Variants in CCDC91 observed in about 807,000 individuals in gnomAD.
CCDC91 encodes the protein coiled-coil domain containing 91, also known as coiled-coil domain-containing protein 91.
A neutral mutation model predicts 63.2 loss-of-function variants in CCDC91; 48 were observed. The ratio of observed to expected loss-of-function variants is 0.76; its 90% confidence interval spans 0.60 to 0.97. The LOEUF (loss-of-function observed/expected upper bound fraction) is 0.97, where lower values mean the gene tolerates loss of function less well. Ranked by LOEUF, CCDC91 falls within the 50% of genes least tolerant of loss-of-function variation. The pLI, the probability that CCDC91 is intolerant of heterozygous loss-of-function variation, is 0.00. For synonymous variants in CCDC91, 167 were observed against 165.8 expected, an observed-to-expected ratio of 1.01 and a Z score of -0.06; for missense variants, 500 against 494.6, an observed-to-expected ratio of 1.01 and a Z score of -0.10.
At chr12:28,216,394 A>G (rs1943561400) in intron 1 of CCDC91, among the ~76,000 whole-genome samples, 1 of 152,052 alleles carries the variant, frequency 6.6e-6, no homozygotes, top group African/African-American at 2.4e-5. Context: ...TTACTTTAAC[A>G]TGGTTTCAGT....
chr12:28,326,805 T>A (rs928847548), intron 6 of CCDC91, among the ~76,000 whole-genome samples: 1 of 152,034 alleles, frequency 6.6e-6, no homozygotes, highest in Non-Finnish European at 1.5e-5. Flanking sequence ...AAAGTGTTAC[T>A]AACAAAGCAG....
chr12:28,205,585 C>T (rs1022004565), intron 1 of CCDC91, among the ~76,000 whole-genome samples: 7 of 152,088 alleles, frequency 4.6e-5, no homozygotes, highest in South Asian at 2.1e-4. Flanking sequence ...TGCAGCCACA[C>T]GGTGGAAGAA....
chr12:28,476,742 AAG>A (rs1479990946), intron 11 of CCDC91, among the ~76,000 whole-genome samples: 1 of 152,258 alleles, frequency 6.6e-6, no homozygotes, highest in Non-Finnish European at 1.5e-5. Flanking sequence ...TAAAGAAGAA[AAG>A]AGAGAATAAT....
At chr12:28,537,355 G>A (rs1359303117) in intron 12 of CCDC91, among the ~76,000 whole-genome samples, 1 of 151,942 alleles carries the variant, frequency 6.6e-6, no homozygotes, top group Non-Finnish European at 1.5e-5. Context: ...GCTATTATAG[G>A]AAATTCTATT....
intron 12 of CCDC91, among the ~76,000 whole-genome samples, chr12:28,531,828 A>G (rs1941759344): frequency 6.6e-6 from 1 of 152,170 alleles, no homozygotes; most frequent in Non-Finnish European, 1.5e-5. Flanking sequence ...ATACATCAGA[A>G]TCTCTGCGTT....
At position 28,234,266 on chromosome 12, in the gene CCDC91, T is replaced by G. The variant is rs1337784789; in HGVS notation, c.-14-22936T>G. On this transcript the variant is annotated intron_variant, in intron 1 of 12. Transcript: ENST00000536442. Reference sequence around the variant, plus strand: ...TTTTCTATGAACACAGGTCTCCTTATTGGAATTTATTGTAAATTTTTCTTA... The same window carrying G: ...TTTTCTATGAACACAGGTCTCCTTAGTGGAATTTATTGTAAATTTTTCTTA... Among the ~76,000 whole-genome samples the G allele has an allele frequency of 3.9e-5, 6 of 152,274 alleles. No homozygotes were observed. The East Asian group carries it at 1.2e-3, about 29-fold the overall frequency.
chr12:28,364,320 G>A (rs1237353827), intron 7 of CCDC91, among the ~76,000 whole-genome samples: 8 of 152,182 alleles, frequency 5.3e-5, no homozygotes, highest in South Asian at 4.1e-4. Flanking sequence ...TCTGGGAGGC[G>A]GAGGTTGCAG....
At chr12:28,409,578 TACGTA>T (rs1947188362) in intron 8 of CCDC91, among the ~76,000 whole-genome samples, 1 of 152,086 alleles carries the variant, frequency 6.6e-6, no homozygotes, top group South Asian at 2.1e-4. Context: ...TTATTTAATT[TACGTA>T]ACTTAATTGG....
chr12:28,217,399 G>C (rs375625545), intron 1 of CCDC91, among the ~76,000 whole-genome samples: 1 of 152,054 alleles, frequency 6.6e-6, no homozygotes, highest in Non-Finnish European at 1.5e-5. Flanking sequence ...GAAATTTTCC[G>C]AAACAGCAAT....
chr12:28,489,784 A>G (rs995926925), intron 12 of CCDC91, among the ~76,000 whole-genome samples: 12 of 151,842 alleles, frequency 7.9e-5, no homozygotes, highest in Non-Finnish European at 1.6e-4. Context: ...TTTTGCTGCA[A>G]TATTCTTGGA....
At chr12:28,489,734 G>T (rs1951901266) in intron 12 of CCDC91, among the ~76,000 whole-genome samples, 1 of 151,750 alleles carries the variant, frequency 6.6e-6, no homozygotes, top group African/African-American at 2.4e-5. Flanking sequence ...TCAAGGCATT[G>T]TCAGAATTTT....
At chr12:28,318,308 G>A (rs1189058544) in intron 6 of CCDC91, among the ~76,000 whole-genome samples, 3 of 151,426 alleles carry the variant, frequency 2.0e-5, no homozygotes, top group Non-Finnish European at 4.4e-5. Flanking sequence ...GATTGCTTGA[G>A]CCCAGGTAAA....
intron 11 of CCDC91, among the ~76,000 whole-genome samples, chr12:28,465,994 G>T (rs1950530554): frequency 6.6e-6 from 1 of 152,084 alleles, no homozygotes; most frequent in Admixed American, 6.6e-5. Flanking sequence ...AAACAATCAA[G>T]CAGAAACTCT....
In CCDC91 at chr12:28,204,272, T is replaced by C. The variant is rs537049697; in HGVS notation, c.-15+13631T>C. 1.2e-4 allele frequency among the ~76,000 whole-genome samples: 19 copies of C among 152,344 alleles called. 1 individual carries two copies. The highest frequency in any genetic ancestry group is 2.1e-4 in the Non-Finnish European group (14 of 68,012). On this transcript the variant is annotated intron_variant, in intron 1 of 12. Transcript: ENST00000536442. Reference sequence around the variant, plus strand: ...TTACGATATGAATATATGTGAGTTTTTGTGTTTTATTTAATTTATATCACT... The same window carrying C: ...TTACGATATGAATATATGTGAGTTTCTGTGTTTTATTTAATTTATATCACT...
intron 8 of CCDC91, among the ~76,000 whole-genome samples, chr12:28,418,320 A>G (rs1231925678): frequency 6.6e-6 from 1 of 152,180 alleles, no homozygotes; most frequent in Non-Finnish European, 1.5e-5. Flanking sequence ...CAATTGCTAA[A>G]GCTAGATAAA....
intron 1 of CCDC91, among the ~76,000 whole-genome samples, chr12:28,220,256 T>C (rs1397799945): frequency 6.6e-6 from 1 of 152,068 alleles, no homozygotes; most frequent in Admixed American, 6.5e-5. Flanking sequence ...CCTAGGTGTA[T>C]ATCTTTGCTA....
At chr12:28,544,639 T>C (rs1166234933) in intron 12 of CCDC91, among the ~76,000 whole-genome samples, 1 of 151,976 alleles carries the variant, frequency 6.6e-6, no homozygotes, top group African/African-American at 2.4e-5. Context: ...TACACACATA[T>C]ATATATTTCA....
chr12:28,402,627 T>C (rs1946708249), intron 8 of CCDC91, among the ~76,000 whole-genome samples: 1 of 148,804 alleles, frequency 6.7e-6, no homozygotes, highest in Admixed American at 6.8e-5. Context: ...TCAATCCATA[T>C]ACCTTTTATT....
chr12:28,524,725 G>T (rs564087177), intron 12 of CCDC91, among the ~76,000 whole-genome samples: 1 of 152,192 alleles, frequency 6.6e-6, no homozygotes, highest in Admixed American at 6.5e-5. Context: ...AATGCGTCTG[G>T]TCCTGGACTT....
Sources: allele counts gnomAD v4.1 joint callset (sites outside exome capture counted in the v4.1 genomes callset), GRCh38; gene constraint gnomAD v4.1.1; transcripts MANE v1.5; gene names NCBI Gene and HGNC (gene_info 2026-07-23, HGNC 2026-07-21).